Variants in FGF14 observed in about 807,000 individuals in gnomAD.
The protein encoded by FGF14 is fibroblast growth factor homologous factor 4.
FGF14 carries 5 observed loss-of-function variants against 25.5 expected under a neutral mutation model. The ratio of observed to expected loss-of-function variants is 0.20; its 90% CI spans 0.10 to 0.41. FGF14 has a LOEUF of 0.41. Among genes scored for constraint, FGF14 ranks in the 10% least tolerant of loss-of-function variants. The pLI, the probability that FGF14 is intolerant of heterozygous loss-of-function variation, is 1.00. For synonymous variants in FGF14, 138 were observed against 118.3 expected (o/e 1.17, Z -1.08); for missense variants, 222 against 320.1 (o/e 0.69, Z 2.34).
At chr13:102,013,011 T>C (rs2040159082) in intron 1 of FGF14, among the ~76,000 whole-genome samples, 1 of 152,028 alleles carries the variant, frequency 6.6e-6, no homozygotes, top group Admixed American at 6.6e-5. Context: ...GTAAAAAACA[T>C]AGATACTAAC....
rs192753971 is a variant in FGF14 at position 102,009,935 on chromosome 13, T to C, written c.209-134639A>G. Among the ~76,000 whole-genome samples the C allele has an allele frequency of 2.0e-4, 31 of 152,322 alleles. No individual in the cohort carries two copies. The East Asian group carries it at 6.0e-3, about 29-fold the overall frequency. On this transcript the variant is annotated intron_variant, in intron 1 of 4. Transcript: ENST00000376131. ...AATGATGATATTTTCCAATTCTTCA[T>C]AGAAACCTTGCCAAGGTTGACTATA...
At chr13:102,054,276 A>C (rs550750403) in intron 1 of FGF14, among the ~76,000 whole-genome samples, 1 of 152,320 alleles carries the variant, frequency 6.6e-6, no homozygotes, top group South Asian at 2.1e-4. Flanking sequence ...AATGTATCAC[A>C]AAGAGTGCTT....
intron 1 of FGF14, among the ~76,000 whole-genome samples, chr13:102,225,938 T>C (rs1463235819): frequency 1.3e-5 from 2 of 152,210 alleles, no homozygotes; most frequent in African/African-American, 2.4e-5. Context: ...TGGCCGCATA[T>C]TTATTCATTG....
intron 1 of FGF14, among the ~76,000 whole-genome samples, chr13:102,331,517 C>T (rs2056632044): frequency 6.6e-6 from 1 of 152,132 alleles, no homozygotes; most frequent in African/African-American, 2.4e-5. Context: ...CAGAAAACCA[C>T]CCACAATGAT....
At chr13:101,827,797 A>G (rs763795650) in intron 3 of FGF14, among the ~76,000 whole-genome samples, 2 of 151,842 alleles carry the variant, frequency 1.3e-5, no homozygotes, top group Non-Finnish European at 2.9e-5. Flanking sequence ...CTTTAGTTTC[A>G]TTAATTGAAT....
chr13:102,333,648 C>T (rs2056701642), intron 1 of FGF14, among the ~76,000 whole-genome samples: 1 of 152,144 alleles, frequency 6.6e-6, no homozygotes, highest in Non-Finnish European at 1.5e-5. Flanking sequence ...AAACAGCTGT[C>T]AACCAATTAC....
chr13:102,112,744 C>T (rs2045293360), intron 1 of FGF14, among the ~76,000 whole-genome samples: 1 of 152,136 alleles, frequency 6.6e-6, no homozygotes, highest in Non-Finnish European at 1.5e-5. Context: ...ACATGTGCAG[C>T]ACTTTATAGT....
At chr13:102,151,439 T>A (rs1477063099) in intron 1 of FGF14, among the ~76,000 whole-genome samples, 1 of 152,134 alleles carries the variant, frequency 6.6e-6, no homozygotes, top group Non-Finnish European at 1.5e-5. Context: ...AAAACGAGAG[T>A]ACTTAACATC....
intron 1 of FGF14, among the ~76,000 whole-genome samples, chr13:102,163,412 C>A (rs1001046499): frequency 5.3e-5 from 8 of 152,230 alleles, no homozygotes; most frequent in African/African-American, 1.9e-4. Context: ...CCATACTAAG[C>A]TCCAGGGTTA....
At chr13:102,051,035 C>A (rs1231873062) in intron 1 of FGF14, among the ~76,000 whole-genome samples, 1 of 152,224 alleles carries the variant, frequency 6.6e-6, no homozygotes, top group Non-Finnish European at 1.5e-5. Flanking sequence ...TCCCAAACCA[C>A]CATTTATCTC....
chr13:102,277,887 T>C (rs1371698808), intron 1 of FGF14, among the ~76,000 whole-genome samples: 1 of 152,252 alleles, frequency 6.6e-6, no homozygotes, highest in African/African-American at 2.4e-5. Context: ...AATATCACCA[T>C]CCAAGTCATT....
chr13:102,221,236 A>G (rs1193376398), intron 1 of FGF14, among the ~76,000 whole-genome samples: 1 of 152,214 alleles, frequency 6.6e-6, no homozygotes, highest in Non-Finnish European at 1.5e-5. Context: ...TCAAAAGAGA[A>G]CTAAATTTGG....
Position 101,711,576 on chromosome 13 carries a change from AAAG to A in FGF14, c.*11252_*11254del, listed in dbSNP as rs1353475719. 2 of 152,224 alleles carry A rather than the reference AAAG, an allele frequency of 1.3e-5. No homozygotes were observed. The highest frequency in any genetic ancestry group is 4.8e-5 in the African/African-American group (2 of 41,458). The allele number at this position is 152,224 out of a possible 1,614,324, so 9.4% of individuals were successfully genotyped here. The stretch of plus-strand genomic sequence containing the variant: ...ACATCACAGATAGGCAGATCACTAA[AAAG>A]AAGAGTGGATTGAATCAGAGTGAAG... On this transcript the variant is annotated 3_prime_UTR_variant, in exon 5 of 5. Transcript: ENST00000376143.
intron 3 of FGF14, among the ~76,000 whole-genome samples, chr13:101,795,743 C>T (rs2040484506): frequency 6.6e-6 from 1 of 152,126 alleles, no homozygotes; most frequent in Admixed American, 6.6e-5. Flanking sequence ...TCTTAGGATG[C>T]ACACACAATC....
chr13:102,341,654 C>T (rs1363110834), intron 1 of FGF14, among the ~76,000 whole-genome samples: 4 of 152,098 alleles, frequency 2.6e-5, no homozygotes, highest in East Asian at 1.9e-4. Flanking sequence ...TTCCAAGACA[C>T]GGCATTTTTC....
chr13:102,190,247 G>A (rs1228189066), intron 1 of FGF14, among the ~76,000 whole-genome samples: 1 of 152,138 alleles, frequency 6.6e-6, no homozygotes, highest in Non-Finnish European at 1.5e-5. Context: ...CTGTGATCAG[G>A]GGATTGACAT....
chr13:102,394,314 T>G (rs1043876677), intron 1 of FGF14: 2 of 152,380 alleles, frequency 1.3e-5, no homozygotes, highest in African/African-American at 4.8e-5. Flanking sequence ...GGTCCAGCAG[T>G]GCACATGGGG....
In FGF14 at chr13:102,237,379, A is replaced by G. The variant is rs553886191; in HGVS notation, c.208+164092T>C. ...GTATGTCTTTCTCCAGCCCCAGCAA[A>G]AGCCCCGGAGAGGCTCTGGAAGAGA... is the stretch of plus-strand genomic sequence containing the variant. On this transcript the variant is annotated intron_variant, in intron 1 of 4. Transcript: ENST00000376131. 2.0e-5 allele frequency among the ~76,000 whole-genome samples: 3 copies of G among 152,280 alleles called. No homozygotes were observed. The East Asian group carries it at 5.8e-4, about 29-fold the overall frequency.
intron 1 of FGF14, among the ~76,000 whole-genome samples, chr13:102,068,968 T>C (rs1271937304): frequency 6.6e-6 from 1 of 152,192 alleles, no homozygotes. Flanking sequence ...AGTCTTTATG[T>C]CTAGCTCGGG....
Sources: gnomAD v4.1 joint callset for allele counts (sites outside exome capture counted in the v4.1 genomes callset) on GRCh38, gnomAD v4.1.1 for gene constraint, MANE v1.5 for transcripts, NCBI Gene and HGNC (gene_info 2026-07-23, HGNC 2026-07-21) for gene names.